The following AFF4 variants were observed in gnomAD, a reference collection of about 807,000 sequenced individuals.
The protein encoded by AFF4 is ALF transcription elongation factor 4.
In AFF4, 13 loss-of-function variants were observed where a neutral mutation model predicts 124.8. The observed-to-expected ratio is 0.10, with a 90% CI of 0.07 to 0.17. The LOEUF is 0.17. Among genes scored for constraint, AFF4 ranks in the 10% least tolerant of loss-of-function variants. The pLI is 1.00. For missense variants in AFF4, 1,092 were observed against 1,403.8 expected (o/e 0.78, Z 3.55); for synonymous variants, 477 against 496.1 (o/e 0.96, Z 0.51).
intron 1 of AFF4, among the ~76,000 whole-genome samples, chr5:132,939,744 G>A (rs1030838136): frequency 3.3e-5 from 5 of 152,196 alleles, no homozygotes; most frequent in South Asian, 2.1e-4. Flanking sequence ...CTGAGTAGCT[G>A]GGATTACAGG....
chr5:132,909,542 G>C (rs1302455729), intron 5 of AFF4, among the ~76,000 whole-genome samples: 1 of 152,188 alleles, frequency 6.6e-6, no homozygotes, highest in East Asian at 1.9e-4. Context: ...GTGTGCGTGT[G>C]TGTGTGTGTA....
intron 1 of AFF4, among the ~76,000 whole-genome samples, chr5:132,961,977 T>A (rs1242728773): frequency 6.6e-6 from 1 of 152,136 alleles, no homozygotes; most frequent in East Asian, 1.9e-4. Flanking sequence ...GCAGTGATAA[T>A]AAGGAAAACG....
chr5:132,945,285 A>T (rs1440370573), intron 1 of AFF4: 5 of 152,210 alleles, frequency 3.3e-5, no homozygotes, highest in Admixed American at 6.5e-5. Flanking sequence ...AATGGAAGCG[A>T]CTTAACCAAG....
chr5:132,888,826 T>C (rs1353160987), intron 14 of AFF4, among the ~76,000 whole-genome samples: 1 of 152,078 alleles, frequency 6.6e-6, no homozygotes, highest in African/African-American at 2.4e-5. Context: ...GCCTCCTGAA[T>C]AGCTGCGATT....
At chr5:132,917,705 CTTTTTTTTTTTTTT>C (rs58145774) in intron 5 of AFF4, among the ~76,000 whole-genome samples, 4 of 74,038 alleles carry the variant, frequency 5.4e-5, no homozygotes, top group East Asian at 3.6e-4. Flanking sequence ...CTTTTCTTTT[CTTTTTTTTTTTTTT>C]TTTTTTTTTT....
intron 17 of AFF4, 25 bp downstream of exon 17, chr5:132,887,496 A>G: frequency 6.3e-7 from 1 of 1,588,266 alleles, no homozygotes; most frequent in Middle Eastern, 1.7e-4. Flanking sequence ...TGTATCTAGC[A>G]GAGGCTAGAA....
At chr5:132,918,640 G>A (rs1308236950) in intron 5 of AFF4, among the ~76,000 whole-genome samples, 1 of 152,092 alleles carries the variant, frequency 6.6e-6, no homozygotes, top group Admixed American at 6.6e-5. Context: ...GTGACAGAGT[G>A]ACACTCTTTC....
intron 20 of AFF4, among the ~76,000 whole-genome samples, chr5:132,882,545 A>C (rs1172457812): frequency 6.6e-6 from 1 of 152,174 alleles, no homozygotes; most frequent in Admixed American, 6.5e-5. Context: ...AGCCTCAAAC[A>C]ACCTAATTTT....
At chr5:132,936,434 A>G (rs982441734) in intron 2 of AFF4, among the ~76,000 whole-genome samples, 3 of 152,216 alleles carry the variant, frequency 2.0e-5, no homozygotes, top group African/African-American at 4.8e-5. Flanking sequence ...ATGACTGTCT[A>G]TAACAACAGA....
At chr5:132,911,380 TTTAA>T (rs1186004981) in intron 5 of AFF4, among the ~76,000 whole-genome samples, 17 of 152,222 alleles carry the variant, frequency 1.1e-4, no homozygotes, top group Middle Eastern at 3.4e-3. Context: ...TAAATATCTG[TTTAA>T]TTAATAAATA....
At chr5:132,962,679 G>C (rs1275731304) in intron 1 of AFF4, among the ~76,000 whole-genome samples, 1 of 151,952 alleles carries the variant, frequency 6.6e-6, no homozygotes, top group East Asian at 1.9e-4. Flanking sequence ...CCACGCACAA[G>C]CTACTGGGAT....
intron 3 of AFF4, 72 bp downstream of exon 3, chr5:132,934,075 C>T (rs1761362116): frequency 6.8e-7 from 1 of 1,476,166 alleles, no homozygotes; most frequent in East Asian, 2.3e-5. Context: ...TGTTCAAGTT[C>T]AATCGTAATT....
chr5:132,957,472 C>T (rs933315663), intron 1 of AFF4, among the ~76,000 whole-genome samples: 2 of 152,026 alleles, frequency 1.3e-5, no homozygotes, highest in African/African-American at 2.4e-5. Context: ...GTGGCTCATA[C>T]GTATAATCCC....
rs777925414 is a variant in AFF4, at chr5:132,896,984, G to T, written c.1646C>A (p.Ser549Tyr). The T allele has an allele frequency of 1.4e-5, 22 of 1,614,180 alleles. No homozygotes were observed. The highest frequency in any genetic ancestry group is 1.6e-5 in the Non-Finnish European group (19 of 1,180,038). Residue 549 changes from serine (S) to tyrosine (Y), a missense_variant, in exon 11 of 21, where the codon TCT becomes TAT. Around this residue, in one of 11 missense-constraint regions of AFF4, gnomAD observed 174 missense variants for 205.9 expected, o/e 0.84. Transcript: ENST00000265343. The part of the protein sequence containing the change: ...GSESGRGRQK[S>Y]PAQSDSTTQR... ...TGTTGTGCTGTCACTCTGTGCAGGA[G>T]ATTTCTGCCTCCCACGCCCACTTTC... is the stretch of plus-strand genomic sequence containing the variant.
chr5:132,955,472 A>AT (rs1228225349), intron 1 of AFF4, among the ~76,000 whole-genome samples: 1 of 152,160 alleles, frequency 6.6e-6, no homozygotes, highest in African/African-American at 2.4e-5. Context: ...AGTGTACTAC[A>AT]TAATAGCGTA....
At chr5:132,889,030 G>T in intron 14 of AFF4, 49 bp downstream of exon 14, 1 of 1,530,460 alleles carries the variant, frequency 6.5e-7, no homozygotes, top group South Asian at 1.1e-5. Context: ...CTTATATGCT[G>T]ACTGGAATCA....
Position 132,899,122 on chromosome 5 carries a change from G to A in AFF4, c.1208C>T (p.Pro403Leu), listed in dbSNP as rs1385541325. ...TGCCCACCTTCCTGGTGTACTCCTC[G>A]GCATTGTCTTATCACAATCCTAAAA... is the stretch of plus-strand genomic sequence containing the variant. The part of the protein sequence containing the change: ...DGEQDCDKTM[P>L]RSTPGSNSEP... The change falls in exon 9 of 21, where the codon CCG becomes CTG. Residue 403 changes from proline (P) to leucine (L), a missense_variant. By Grantham distance (98) the Pro-to-Leu change is moderately conservative. Around this residue, in one of 11 missense-constraint regions of AFF4, gnomAD observed 148 missense variants for 196.3 expected, o/e 0.75. Transcript: ENST00000265343. The A allele has an allele frequency of 7.4e-6, 12 of 1,612,974 alleles. No homozygotes were observed. The highest frequency in any genetic ancestry group is 1.7e-5 in the Admixed American group (1 of 59,936).
chr5:132,920,135 C>T (rs559511283), intron 5 of AFF4, among the ~76,000 whole-genome samples: 4 of 151,938 alleles, frequency 2.6e-5, no homozygotes, highest in East Asian at 1.9e-4. Flanking sequence ...CTGCAACCTC[C>T]GCCTCCTGAG....
intron 7 of AFF4, chr5:132,901,263 T>G: frequency 4.1e-6 from 2 of 487,594 alleles, no homozygotes; most frequent in African/African-American, 2.1e-5. Context: ...CACGCTTTTG[T>G]TCCCTCACAA....
Sources: allele counts gnomAD v4.1 joint callset (sites outside exome capture counted in the v4.1 genomes callset), GRCh38; gene constraint gnomAD v4.1.1; regional missense constraint gnomAD v4.1.1; transcripts MANE v1.5; gene names NCBI Gene and HGNC (gene_info 2026-07-23, HGNC 2026-07-21).